The following PLD5 variants were observed in gnomAD, a reference collection of about 807,000 sequenced individuals.
The protein encoded by PLD5 is phospholipase D family member 5.
In PLD5, 36 loss-of-function variants were observed where a neutral mutation model predicts 61.1. The observed-to-expected ratio is 0.59, with a 90% CI of 0.45 to 0.78. The LOEUF (loss-of-function observed/expected upper bound fraction) is 0.78. PLD5 is among the 30% of genes least tolerant of loss of function. The pLI, the probability that PLD5 is intolerant of heterozygous loss-of-function variation, is 0.00. For synonymous variants in PLD5, 243 were observed against 242.8 expected (o/e 1.00, Z -0.01); for missense variants, 515 against 644.4 (o/e 0.80, Z 2.17).
intron 6 of PLD5, 68 bp downstream of exon 6, chr1:242,124,400 C>T: frequency 4.7e-6 from 7 of 1,481,636 alleles, no homozygotes; most frequent in African/African-American, 2.8e-5. Context: ...CACACTTAAA[C>T]ATTCCAACTT....
chr1:242,214,085 C>T (rs1187005826), intron 5 of PLD5, among the ~76,000 whole-genome samples: 1 of 152,136 alleles, frequency 6.6e-6, no homozygotes, highest in African/African-American at 2.4e-5. Context: ...TAGCGCATGT[C>T]CTTCCTGCTG....
chr1:242,377,566 A>T (rs1662035235), intron 1 of PLD5: 3 of 521,438 alleles, frequency 5.8e-6, no homozygotes, highest in Admixed American at 3.4e-5. Context: ...CTCTAGATAG[A>T]GACATGACCC....
At chr1:242,344,199 G>T (rs999364527) in intron 2 of PLD5, among the ~76,000 whole-genome samples, 13 of 152,182 alleles carry the variant, frequency 8.5e-5, no homozygotes, top group African/African-American at 3.1e-4. Context: ...ACCAGAAAAA[G>T]TCAAATATGA....
chr1:242,170,415 A>G (rs536199408), intron 5 of PLD5, among the ~76,000 whole-genome samples: 3 of 152,348 alleles, frequency 2.0e-5, no homozygotes, highest in African/African-American at 7.2e-5. Context: ...CACCACCAAC[A>G]AAAACCAAAG....
At chr1:242,379,708 G>A (rs2149254313) in intron 1 of PLD5, among the ~76,000 whole-genome samples, 1 of 151,954 alleles carries the variant, frequency 6.6e-6, no homozygotes. Context: ...TTCTTTTTCT[G>A]ACAGGTTGAC....
chr1:242,497,654 T>C (rs1287213120), intron 1 of PLD5, among the ~76,000 whole-genome samples: 2 of 152,246 alleles, frequency 1.3e-5, no homozygotes, highest in Non-Finnish European at 2.9e-5. Context: ...CCTCACACTG[T>C]TGCTGCAGAA....
At chr1:242,104,178 G>A (rs1310581172) in intron 8 of PLD5, among the ~76,000 whole-genome samples, 1 of 151,982 alleles carries the variant, frequency 6.6e-6, no homozygotes, top group Non-Finnish European at 1.5e-5. Context: ...GAGTGCAGTG[G>A]CAATCATAGG....
intron 4 of PLD5, among the ~76,000 whole-genome samples, chr1:242,247,266 G>A (rs1672445660): frequency 6.6e-6 from 1 of 152,232 alleles, no homozygotes; most frequent in South Asian, 2.1e-4. Context: ...ACAGGCGTGA[G>A]CCACCGCGCC....
At chr1:242,165,403 A>ACTGTTCACATCCTTAGT (rs1185524308) in intron 5 of PLD5, among the ~76,000 whole-genome samples, 3 of 151,776 alleles carry the variant, frequency 2.0e-5, no homozygotes, top group Non-Finnish European at 2.9e-5. Context: ...TTTAAAAAAG[A>ACTGTTCACATCCTTAGT]CTGTTCACAT....
chr1:242,131,551 G>A (rs778376025), intron 5 of PLD5, among the ~76,000 whole-genome samples: 2 of 152,062 alleles, frequency 1.3e-5, no homozygotes, highest in Non-Finnish European at 2.9e-5. Context: ...TAAACCTCAC[G>A]ACAACCCATT....
chr1:242,450,342 T>C lies in PLD5; in HGVS notation c.189+73746A>G, dbSNP rs1422839800. On this transcript the variant is annotated intron_variant, in intron 1 of 9. Transcript: ENST00000536534. ...CAGGAGGGCAGGTGCCATGCTTCTT[T>C]TGTTCAAATCTGCATCCTCCAGGCA... Among the ~76,000 whole-genome samples, 5 of 152,214 alleles carry C rather than the reference T, an allele frequency of 3.3e-5. No individual in the cohort carries two copies. In the East Asian group the frequency reaches 9.6e-4, roughly 29 times the overall value.
chr1:242,486,200 A>C (rs977397806), intron 1 of PLD5, among the ~76,000 whole-genome samples: 11 of 152,090 alleles, frequency 7.2e-5, no homozygotes, highest in Admixed American at 2.0e-4. Context: ...GCAACAAAAG[A>C]CAAAATTGAC....
intron 1 of PLD5, among the ~76,000 whole-genome samples, chr1:242,463,215 A>G (rs1050766321): frequency 1.3e-5 from 2 of 152,126 alleles, no homozygotes; most frequent in African/African-American, 4.8e-5. Flanking sequence ...AGCACATGAT[A>G]TTGTCTCTTT....
intron 2 of PLD5, among the ~76,000 whole-genome samples, chr1:242,340,456 A>G (rs1659766376): frequency 6.6e-6 from 1 of 151,948 alleles, no homozygotes; most frequent in Admixed American, 6.6e-5. Flanking sequence ...AGGGTGAAAA[A>G]TGATAATAAG....
chr1:242,220,655 A>G (rs1670514116), intron 4 of PLD5, among the ~76,000 whole-genome samples: 1 of 150,188 alleles, frequency 6.7e-6, no homozygotes, highest in Non-Finnish European at 1.5e-5. Context: ...TTATTATTTA[A>G]TCTGGGTTTG....
chr1:242,104,630 A>G (rs563441551), intron 8 of PLD5, among the ~76,000 whole-genome samples: 1 of 152,262 alleles, frequency 6.6e-6, no homozygotes, highest in South Asian at 2.1e-4. Context: ...TTCAGTTCCC[A>G]TGTCTATAAA....
intron 2 of PLD5, among the ~76,000 whole-genome samples, chr1:242,305,962 G>T (rs1306664489): frequency 6.6e-6 from 1 of 152,130 alleles, no homozygotes; most frequent in East Asian, 1.9e-4. Context: ...GAAAGGGGGG[G>T]AAGTCCATGG....
At chr1:242,338,154 T>C (rs994878928) in intron 2 of PLD5, among the ~76,000 whole-genome samples, 9 of 152,292 alleles carry the variant, frequency 5.9e-5, no homozygotes, top group South Asian at 4.1e-4. Context: ...TTACTTTAAC[T>C]GGAAGTTCTG....
intron 1 of PLD5, among the ~76,000 whole-genome samples, chr1:242,517,523 G>A (rs1669141843): frequency 1.3e-5 from 2 of 151,880 alleles, no homozygotes; most frequent in Admixed American, 1.3e-4. Flanking sequence ...TTGCATTACT[G>A]GAATAAAATG....
Sources: gnomAD v4.1 joint callset for allele counts (sites outside exome capture counted in the v4.1 genomes callset) on GRCh38, gnomAD v4.1.1 for gene constraint, MANE v1.5 for transcripts, NCBI Gene and HGNC (gene_info 2026-07-23, HGNC 2026-07-21) for gene names.